Variants in EML4 observed in about 807,000 individuals in gnomAD.
EML4 encodes echinoderm microtubule-associated protein-like 4.
In EML4, 72 loss-of-function variants were observed where a neutral mutation model predicts 129.0. The ratio of observed to expected loss-of-function variants is 0.56; its 90% CI spans 0.46 to 0.68. The LOEUF is 0.68. Among genes scored for constraint, EML4 ranks in the 30% least tolerant of loss-of-function variants. EML4 has a pLI of 0.00. For missense variants in EML4, 1,363 were observed against 1,190.6 expected, an observed-to-expected ratio of 1.14 and a Z score of -2.13; for synonymous variants, 532 against 405.0, an observed-to-expected ratio of 1.31 and a Z score of -3.77.
intron 1 of EML4, among the ~76,000 whole-genome samples, chr2:42,222,177 GGA>G (rs767238743): frequency 1.3e-5 from 2 of 152,040 alleles, no homozygotes; most frequent in Non-Finnish European, 2.9e-5. Flanking sequence ...TCATTTGAGA[GGA>G]GATAGTTTTT....
At chr2:42,307,688 CT>C (rs1668688488) in intron 17 of EML4, among the ~76,000 whole-genome samples, 1 of 152,134 alleles carries the variant, frequency 6.6e-6, no homozygotes, top group Non-Finnish European at 1.5e-5. Context: ...CAGTTTCCCT[CT>C]TTTGCCCAGG....
chr2:42,287,021 C>G (rs1285883391), intron 10 of EML4, among the ~76,000 whole-genome samples: 1 of 152,156 alleles, frequency 6.6e-6, no homozygotes, highest in Non-Finnish European at 1.5e-5. Flanking sequence ...ATAAAGTATA[C>G]AGTCAACCTT....
intron 2 of EML4, among the ~76,000 whole-genome samples, chr2:42,248,165 G>A (rs114612866): frequency 0.012 from 1,876 of 151,840 alleles, 31 homozygotes; most frequent in African/African-American, 0.043. Context: ...TTGTACAGGC[G>A]GAATCTCTCT....
chr2:42,220,244 T>G (rs1205603822), intron 1 of EML4, among the ~76,000 whole-genome samples: 2 of 150,592 alleles, frequency 1.3e-5, no homozygotes, highest in Non-Finnish European at 3.0e-5. Flanking sequence ...GTATTTTTTT[T>G]TTTTTTTTTT....
rs1448955719 is a variant in EML4 at position 42,329,987 on chromosome 2, C to T, written c.2726C>T (p.Thr909Ile). Reference protein sequence around the residue: ...TPPPSQPLNETAEEESRISSS... With the variant: ...TPPPSQPLNEIAEEESRISSS... ...CCTCCTTCTCAGCCCTTAAATGAGACAGCTGAAGAGGAAAGTAGAATAAGC... is the reference window on the plus strand; with the variant it reads ...CCTCCTTCTCAGCCCTTAAATGAGATAGCTGAAGAGGAAAGTAGAATAAGC... Residue 909 changes from threonine (T) to isoleucine (I), a missense_variant, in exon 23 of 23, where the codon ACA (threonine) becomes ATA (isoleucine). Coordinates refer to ENST00000318522, the MANE Select transcript of EML4 (RefSeq NM_019063.5). The T allele has an allele frequency of 2.5e-6, 4 of 1,613,928 alleles. No individual in the cohort carries two copies. Among genetic ancestry groups the T allele is most frequent in the Non-Finnish European group, 3.4e-6 (4 of 1,179,982 alleles).
intron 1 of EML4, among the ~76,000 whole-genome samples, chr2:42,171,629 A>G (rs1670286355): frequency 6.6e-6 from 1 of 152,218 alleles, no homozygotes; most frequent in Non-Finnish European, 1.5e-5. Context: ...ATTTGATGCC[A>G]TGCTTTGGGT....
At chr2:42,280,698 C>A in intron 6 of EML4, 152 bp from the exon 7 acceptor site, 1 of 594,856 alleles carries the variant, frequency 1.7e-6, no homozygotes, top group Non-Finnish European at 2.9e-6. Context: ...GGATACAGGA[C>A]AACTATATAA....
chr2:42,273,329 T>A (rs11679601), intron 6 of EML4, among the ~76,000 whole-genome samples: 34,695 of 152,122 alleles, frequency 0.23, 4,791 homozygotes, highest in East Asian at 0.56. Flanking sequence ...CTTTTCCCAA[T>A]AAAGTCATTT....
chr2:42,331,576 GTCAAA>G lies in EML4; in HGVS notation c.*1373_*1377del, dbSNP rs1275194389. ...TGTTTTGATACTTTCTATTTTTTTGGTCAAATCATGTTTAGAAACTTTGGATGAGT... is the reference window on the plus strand; with the variant it reads ...TGTTTTGATACTTTCTATTTTTTTGGTCATGTTTAGAAACTTTGGATGAGT... On this transcript the variant is annotated 3_prime_UTR_variant, in exon 23 of 23. Coordinates refer to ENST00000318522, the MANE Select transcript of EML4 (RefSeq NM_019063.5). 4.5e-6 allele frequency: 1 copy of G among 222,422 alleles called. No individual in the cohort carries two copies. Among genetic ancestry groups the G allele is most frequent in the Non-Finnish European group, 9.0e-6 (1 of 111,418 alleles). The allele number at this position is 222,422 out of a possible 1,614,324, so 13.8% of individuals were successfully genotyped here.
At chr2:42,260,169 T>C (rs1572644810) in intron 3 of EML4, among the ~76,000 whole-genome samples, 1 of 151,438 alleles carries the variant, frequency 6.6e-6, no homozygotes, top group South Asian at 2.1e-4. Flanking sequence ...CCGGGCTCTG[T>C]GATTTGTTTG....
chr2:42,190,379 A>G (rs949382512), intron 1 of EML4, among the ~76,000 whole-genome samples: 4 of 152,120 alleles, frequency 2.6e-5, no homozygotes, highest in African/African-American at 9.7e-5. Flanking sequence ...AAGAAACGGT[A>G]GGGTTTGGGA....
chr2:42,259,953 A>G (rs1282958801), intron 3 of EML4, among the ~76,000 whole-genome samples: 1 of 150,914 alleles, frequency 6.6e-6, no homozygotes, highest in South Asian at 2.1e-4. Flanking sequence ...GATGGTCTTG[A>G]TCTCCTAACC....
intron 1 of EML4, among the ~76,000 whole-genome samples, chr2:42,244,143 G>A (rs1427832372): frequency 7.0e-6 from 1 of 143,150 alleles, no homozygotes; most frequent in Non-Finnish European, 1.5e-5. Flanking sequence ...TCTGTTGCCA[G>A]GCTGGAGTGC....
chr2:42,208,765 T>G (rs1198132144), intron 1 of EML4, among the ~76,000 whole-genome samples: 1 of 150,348 alleles, frequency 6.7e-6, no homozygotes, highest in African/African-American at 2.5e-5. Flanking sequence ...ATTTTTTTAC[T>G]TTTTTGAGAC....
At chr2:42,233,428 C>T (rs1037026256) in intron 1 of EML4, among the ~76,000 whole-genome samples, 1 of 151,764 alleles carries the variant, frequency 6.6e-6, no homozygotes, top group African/African-American at 2.4e-5. Flanking sequence ...GCCTCAGCCT[C>T]CCCAGTAGCT....
chr2:42,190,837 A>G (rs773352160), intron 1 of EML4, among the ~76,000 whole-genome samples: 3 of 152,250 alleles, frequency 2.0e-5, no homozygotes, highest in Non-Finnish European at 2.9e-5. Flanking sequence ...ATTTATGGAC[A>G]CTGAAATTTG....
intron 16 of EML4, among the ~76,000 whole-genome samples, chr2:42,303,943 GAAGT>G (rs1190445576): frequency 6.6e-6 from 1 of 152,156 alleles, no homozygotes; most frequent in Non-Finnish European, 1.5e-5. Context: ...AAAAATAGAA[GAAGT>G]AAGTTAGCAG....
At chr2:42,295,859 A>G (rs1667918357) in intron 13 of EML4, among the ~76,000 whole-genome samples, 1 of 152,202 alleles carries the variant, frequency 6.6e-6, no homozygotes, top group Admixed American at 6.5e-5. Flanking sequence ...ATGCATGGCC[A>G]TGTGATAAAA....
At chr2:42,237,015 G>A (rs1472459412) in intron 1 of EML4, among the ~76,000 whole-genome samples, 2 of 152,072 alleles carry the variant, frequency 1.3e-5, no homozygotes, top group African/African-American at 4.8e-5. Context: ...AGAATTGTTT[G>A]TAGTCTCAAC....
Sources: allele counts gnomAD v4.1 joint callset (sites outside exome capture counted in the v4.1 genomes callset), GRCh38; gene constraint gnomAD v4.1.1; transcripts MANE v1.5; gene names NCBI Gene and HGNC (gene_info 2026-07-23, HGNC 2026-07-21).